Variants in RGL1 observed in about 807,000 individuals in gnomAD.
RGL1 encodes ral guanine nucleotide dissociation stimulator-like 1.
Under a neutral mutation model 95.2 loss-of-function variants are expected in RGL1, and 24 were observed. The observed-to-expected ratio is 0.25, with a 90% CI of 0.18 to 0.35. The LOEUF (loss-of-function observed/expected upper bound fraction) is 0.35, where lower values mean the gene tolerates loss of function less well. Among genes scored for constraint, RGL1 ranks in the 10% least tolerant of loss-of-function variants. The pLI is 1.00. For missense variants in RGL1, 715 were observed against 936.3 expected (o/e 0.76, Z 3.08); for synonymous variants, 329 against 344.9 (o/e 0.95, Z 0.51).
At chr1:183,884,624 C>A in intron 6 of RGL1, 99 bp from the exon 7 acceptor site, 2 of 912,988 alleles carry the variant, frequency 2.2e-6, no homozygotes, top group Non-Finnish European at 3.4e-6. Flanking sequence ...GATTATCTGG[C>A]CATTCACAAA....
intron 2 of RGL1, among the ~76,000 whole-genome samples, chr1:183,745,261 T>G (rs1300379096): frequency 6.6e-6 from 1 of 152,224 alleles, no homozygotes; most frequent in Non-Finnish European, 1.5e-5. Context: ...TTTTGTTTAC[T>G]AAACAATCCT....
At chr1:183,639,141 G>A (rs190828576) in intron 1 of RGL1, among the ~76,000 whole-genome samples, 5 of 152,104 alleles carry the variant, frequency 3.3e-5, no homozygotes, top group African/African-American at 1.2e-4. Context: ...ATTAGCTGGG[G>A]GTGGTGGTGC....
At chr1:183,636,166 A>G in exon 1 of RGL1, 1 of 399,640 alleles carries the variant, frequency 2.5e-6, no homozygotes, top group Non-Finnish European at 4.4e-6. Context: ...GCAGCCGTCA[A>G]CGACCTATCA....
intron 1 of RGL1, among the ~76,000 whole-genome samples, chr1:183,687,526 G>C (rs903001407): frequency 6.6e-6 from 1 of 152,132 alleles, no homozygotes; most frequent in Non-Finnish European, 1.5e-5. Context: ...CTTAGGCCTT[G>C]CTGAATGCAT....
At chr1:183,780,542 G>A (rs545047583) in intron 2 of RGL1, among the ~76,000 whole-genome samples, 15 of 152,320 alleles carry the variant, frequency 9.8e-5, no homozygotes, top group African/African-American at 3.4e-4. Flanking sequence ...TGGATGGTGA[G>A]TGAGAAGAGG....
intron 4 of RGL1, among the ~76,000 whole-genome samples, chr1:183,876,235 T>G (rs1666489401): frequency 6.6e-6 from 1 of 152,236 alleles, no homozygotes; most frequent in Non-Finnish European, 1.5e-5. Context: ...TTAGTTTAAT[T>G]GGTGAATGAA....
chr1:183,730,167 C>T (rs947525355), intron 1 of RGL1, among the ~76,000 whole-genome samples: 1 of 152,090 alleles, frequency 6.6e-6, no homozygotes, highest in Non-Finnish European at 1.5e-5. Context: ...GGGGCAACAT[C>T]TTGGAGTCAG....
At chr1:183,714,763 A>G (rs1482803119) in intron 1 of RGL1, among the ~76,000 whole-genome samples, 1 of 152,186 alleles carries the variant, frequency 6.6e-6, no homozygotes, top group Non-Finnish European at 1.5e-5. Context: ...AAAGAAGAGT[A>G]TAGATGTTAA....
chr1:183,858,240 C>A (rs996463610), intron 3 of RGL1, among the ~76,000 whole-genome samples: 4 of 152,058 alleles, frequency 2.6e-5, no homozygotes, highest in African/African-American at 4.8e-5. Flanking sequence ...GTGGTTTTGA[C>A]CATTTTTCAG....
intron 1 of RGL1, among the ~76,000 whole-genome samples, chr1:183,660,543 C>T (rs1651540840): frequency 6.6e-6 from 1 of 151,414 alleles, no homozygotes; most frequent in South Asian, 2.1e-4. Flanking sequence ...TACAGGACCA[C>T]CCAGATTCAT....
chr1:183,800,396 T>G (rs1660925996), upstream of RGL1, among the ~76,000 whole-genome samples: 1 of 152,224 alleles, frequency 6.6e-6, no homozygotes, highest in Non-Finnish European at 1.5e-5. Context: ...CAAGAAATTT[T>G]TTTTTTCTCC....
chr1:183,705,997 A>G (rs1314429838), intron 1 of RGL1, among the ~76,000 whole-genome samples: 3 of 152,094 alleles, frequency 2.0e-5, no homozygotes, highest in Non-Finnish European at 4.4e-5. Flanking sequence ...AGGGTGTGGA[A>G]GTATCCCAAA....
chr1:183,709,023 A>G (rs556100794), intron 1 of RGL1, among the ~76,000 whole-genome samples: 37 of 152,270 alleles, frequency 2.4e-4, no homozygotes, highest in African/African-American at 8.7e-4. Flanking sequence ...GAGACCTAAA[A>G]TGGCATCAGC....
Position 183,864,990 on chromosome 1 carries a change from T to G in RGL1, c.348-1006T>G, listed in dbSNP as rs549618150. ...TGTGCTCTTTAAAAATGTAAACTCA[T>G]CAATTATAGAATTTATCAAAACTTT... On this transcript the variant is annotated intron_variant, in intron 3 of 17. Transcript: ENST00000360851. 3.5e-4 allele frequency among the ~76,000 whole-genome samples: 54 copies of G among 152,310 alleles called. No homozygotes were observed. The Middle Eastern group carries it at 0.01, about 29-fold the overall frequency.
At chr1:183,814,953 T>C (rs1558223290) in intron 2 of RGL1, among the ~76,000 whole-genome samples, 1 of 152,236 alleles carries the variant, frequency 6.6e-6, no homozygotes, top group Non-Finnish European at 1.5e-5. Context: ...TAAAATGCTT[T>C]ATAGTCATGA....
At chr1:183,817,785 C>G (rs1662186788) in intron 2 of RGL1, among the ~76,000 whole-genome samples, 1 of 152,188 alleles carries the variant, frequency 6.6e-6, no homozygotes, top group Non-Finnish European at 1.5e-5. Flanking sequence ...AGAAGGGACT[C>G]TTTGTACACT....
chr1:183,656,113 CTTTTT>C (rs60220835), intron 1 of RGL1, among the ~76,000 whole-genome samples: 1 of 144,972 alleles, frequency 6.9e-6, no homozygotes, highest in Non-Finnish European at 1.5e-5. Flanking sequence ...CTTTTCTTTT[CTTTTT>C]TTTTTCTCAT....
intron 2 of RGL1, among the ~76,000 whole-genome samples, chr1:183,750,428 C>T (rs968917797): frequency 2.0e-5 from 3 of 152,172 alleles, no homozygotes; most frequent in Non-Finnish European, 2.9e-5. Flanking sequence ...TTATGTTCTT[C>T]TCTAAATTGG....
At chr1:183,825,343 G>C (rs2102469803) in intron 2 of RGL1, among the ~76,000 whole-genome samples, 1 of 152,294 alleles carries the variant, frequency 6.6e-6, no homozygotes, top group African/African-American at 2.4e-5. Flanking sequence ...AAAGAGTATT[G>C]CAGGCCAAGT....
Sources: allele counts gnomAD v4.1 joint callset (sites outside exome capture counted in the v4.1 genomes callset), GRCh38; gene constraint gnomAD v4.1.1; transcripts MANE v1.5; gene names NCBI Gene and HGNC (gene_info 2026-07-23, HGNC 2026-07-21).